ACVR1: variants seen among roughly 807,000 people sequenced by gnomAD.
The protein encoded by ACVR1 is activin receptor type-1.
In ACVR1, 38 loss-of-function variants were observed where a neutral mutation model predicts 57.1. That is an observed-to-expected ratio of 0.67 (90% CI 0.51 to 0.87). The LOEUF (loss-of-function observed/expected upper bound fraction) is 0.87. Among genes scored for constraint, ACVR1 ranks in the 40% least tolerant of loss-of-function variants. ACVR1 has a pLI of 0.00. For synonymous variants in ACVR1, 212 were observed against 228.1 expected, an observed-to-expected ratio of 0.93 and a Z score of 0.63; for missense variants, 463 against 638.2, an observed-to-expected ratio of 0.73 and a Z score of 2.96.
intron 9 of ACVR1, 111 bp from the exon 10 acceptor site, chr2:157,738,681 C>A: frequency 2.0e-6 from 3 of 1,529,098 alleles, no homozygotes; most frequent in Non-Finnish European, 2.7e-6. Context: ...ATACTAATCA[C>A]CTTCCTCATA....
chr2:157,851,417 C>T (rs777627625), intron 1 of ACVR1, among the ~76,000 whole-genome samples: 1 of 151,936 alleles, frequency 6.6e-6, no homozygotes, highest in African/African-American at 2.4e-5. Context: ...TTGCAATCAG[C>T]TCTAGAAACC....
intron 4 of ACVR1, 97 bp from the exon 5 acceptor site, chr2:157,778,439 CCACA>C: frequency 9.9e-7 from 1 of 1,010,496 alleles, no homozygotes; most frequent in Non-Finnish European, 1.5e-6. Flanking sequence ...CTGATCCTGA[CCACA>C]CAGTCTCACA....
Position 157,737,507 on chromosome 2 carries a change from T to C in ACVR1, c.*24A>G. The C allele has an allele frequency of 6.2e-7, 1 of 1,613,626 alleles. No homozygotes were observed. The highest frequency in any genetic ancestry group is 8.5e-7 in the Non-Finnish European group (1 of 1,179,748). ...TGGACAATGACAACAACGTCAAATC[T>C]TCCTTCTTGACACTATGAAAATGTC... On this transcript the variant is annotated 3_prime_UTR_variant, in exon 11 of 11. Transcript: ENST00000434821.
At chr2:157,808,630 T>C (rs1487837786) in intron 2 of ACVR1, among the ~76,000 whole-genome samples, 1 of 152,136 alleles carries the variant, frequency 6.6e-6, no homozygotes, top group Non-Finnish European at 1.5e-5. Context: ...CACCAGCTGA[T>C]AGGCCCAGAG....
At chr2:157,834,336 G>C (rs1488965849) in intron 1 of ACVR1, among the ~76,000 whole-genome samples, 1 of 151,970 alleles carries the variant, frequency 6.6e-6, no homozygotes, top group Non-Finnish European at 1.5e-5. Context: ...CAGGTGATCT[G>C]CCTGCCTCGG....
rs1306532514 is a variant in ACVR1 at position 157,876,063 on chromosome 2, A to T, written c.-450T>A. Among the ~76,000 whole-genome samples, 2 of 137,252 alleles carry T rather than the reference A, an allele frequency of 1.5e-5. No homozygotes were observed. The highest frequency in any genetic ancestry group is 3.1e-5 in the Non-Finnish European group (2 of 63,992). The allele number at this position is 137,252 out of a possible 152,430, so 90.0% of individuals were successfully genotyped here. On this transcript the variant is annotated 5_prime_UTR_variant, in exon 1 of 11. Transcript: ENST00000434821. The stretch of plus-strand genomic sequence containing the variant: ...GCGGCTGGCCGAGGAGCAGGCTGGC[A>T]GCGGCAGCGGCGGCAGCGGCAGCCA...
At chr2:157,737,786 G>T in intron 10 of ACVR1, 121 bp from the exon 11 acceptor site, 1 of 1,301,038 alleles carries the variant, frequency 7.7e-7, no homozygotes, top group Non-Finnish European at 1.1e-6. Context: ...TTAGAGTTAT[G>T]TTACTGTCAT....
intron 9 of ACVR1, among the ~76,000 whole-genome samples, chr2:157,749,011 T>C (rs1220135): frequency 0.019 from 2,950 of 152,346 alleles, 94 homozygotes; most frequent in African/African-American, 0.067. Context: ...AAAGCATCTT[T>C]TGGAAATGAA....
chr2:157,739,485 T>C (rs1380926377), intron 9 of ACVR1, among the ~76,000 whole-genome samples: 1 of 152,206 alleles, frequency 6.6e-6, no homozygotes, highest in Non-Finnish European at 1.5e-5. Flanking sequence ...TTCATAGAAA[T>C]AAAACCAAGA....
In ACVR1 at chr2:157,760,956, G is replaced by A. The variant is rs774558962; in HGVS notation, c.1188C>T (p.Phe396=). 2.7e-5 allele frequency: 43 copies of A among 1,613,954 alleles called. No homozygotes were observed. Among genetic ancestry groups the A allele is most frequent in the Middle Eastern group, 1.6e-4 (1 of 6,084 alleles). The change falls in exon 9 of 11, where the codon TTC becomes TTT. Residue 396 remains phenylalanine, a synonymous_variant. Transcript: ENST00000434821. ...AAATATCGACCCTTTTATAAGAATC[G>A]AAACAATCCACCTGGATGGTTTCAT... ...VLDETIQVDC[F]DSYKRVDIWA...
At chr2:157,788,104 T>A (rs536573104) in intron 3 of ACVR1, among the ~76,000 whole-genome samples, 4 of 152,174 alleles carry the variant, frequency 2.6e-5, no homozygotes, top group Non-Finnish European at 5.9e-5. Context: ...CACCCACAGC[T>A]AAAGGTGAAA....
intron 2 of ACVR1, among the ~76,000 whole-genome samples, chr2:157,803,900 T>C (rs1687419782): frequency 6.7e-6 from 1 of 149,328 alleles, no homozygotes; most frequent in South Asian, 2.1e-4. Flanking sequence ...AACAATAACA[T>C]ACTACCTTAT....
intron 1 of ACVR1, among the ~76,000 whole-genome samples, chr2:157,855,286 GTGT>G: frequency 1.3e-5 from 1 of 74,886 alleles, no homozygotes; most frequent in African/African-American, 4.9e-5. Flanking sequence ...GTGTGTGTGT[GTGT>G]GTGTGTGTGT....
chr2:157,820,314 G>A (rs1407038939), intron 1 of ACVR1, among the ~76,000 whole-genome samples: 3 of 152,192 alleles, frequency 2.0e-5, no homozygotes, highest in African/African-American at 7.2e-5. Flanking sequence ...TTGAGTTTCA[G>A]AACAAACTGC....
At chr2:157,817,949 C>T (rs908309990) in intron 2 of ACVR1, among the ~76,000 whole-genome samples, 1 of 151,298 alleles carries the variant, frequency 6.6e-6, no homozygotes, top group African/African-American at 2.4e-5. Flanking sequence ...TTGCAGTGAA[C>T]CGAGATCACA....
In ACVR1 at chr2:157,804,021, G is replaced by T. The variant is rs1574084720; in HGVS notation, c.-7-4521C>A. On this transcript the variant is annotated intron_variant, in intron 2 of 10. Transcript: ENST00000434821. ...ATCTCTGTTCAATAAAACACAGCTG[G>T]ATTCTCATATATGATCTACATTCAT... 2.0e-5 allele frequency among the ~76,000 whole-genome samples: 3 copies of T among 152,050 alleles called. No individual in the cohort carries two copies. The South Asian group carries it at 6.2e-4, about 32-fold the overall frequency.
intron 1 of ACVR1, among the ~76,000 whole-genome samples, chr2:157,865,183 A>C (rs905879867): frequency 6.6e-6 from 1 of 152,186 alleles, no homozygotes; most frequent in African/African-American, 2.4e-5. Context: ...ACAAATTACT[A>C]AACTTTAGAA....
chr2:157,853,093 T>C (rs58383619), intron 1 of ACVR1, among the ~76,000 whole-genome samples: 7,878 of 152,284 alleles, frequency 0.052, 220 homozygotes, highest in Non-Finnish European at 0.056. Flanking sequence ...TAAATCAAAA[T>C]AGAGTAGCCA....
chr2:157,744,480 A>T (rs1184754233), intron 9 of ACVR1, among the ~76,000 whole-genome samples: 1 of 152,212 alleles, frequency 6.6e-6, no homozygotes, highest in African/African-American at 2.4e-5. Context: ...ATGCCATGTG[A>T]TACTGGTTTT....
Sources: gnomAD v4.1 joint callset for allele counts (sites outside exome capture counted in the v4.1 genomes callset) on GRCh38, gnomAD v4.1.1 for gene constraint, MANE v1.5 for transcripts, NCBI Gene and HGNC (gene_info 2026-07-23, HGNC 2026-07-21) for gene names.